The following NXN variants were observed in gnomAD, a reference collection of about 807,000 sequenced individuals.
The protein encoded by NXN is nucleoredoxin.
NXN carries 16 observed loss-of-function variants against 48.6 expected under a neutral mutation model. That is an observed-to-expected ratio of 0.33 (90% CI 0.22 to 0.50). The LOEUF is 0.50. Among genes scored for constraint, NXN ranks in the 20% least tolerant of loss-of-function variants. The probability of loss-of-function intolerance (pLI) is 0.98; values close to 1 mark genes in which losing one functional copy is unlikely to be tolerated. For missense variants in NXN, 492 were observed against 605.5 expected (o/e 0.81, Z 1.97); for synonymous variants, 281 against 269.6 (o/e 1.04, Z -0.41).
chr17:971,197 C>T (rs1362063404), intron 1 of NXN, among the ~76,000 whole-genome samples: 3 of 151,968 alleles, frequency 2.0e-5, no homozygotes, highest in South Asian at 2.1e-4. Context: ...CCGCCCACCT[C>T]GGCTTCCCAC....
chr17:864,726 G>A (rs908962057), intron 1 of NXN, among the ~76,000 whole-genome samples: 2 of 152,116 alleles, frequency 1.3e-5, no homozygotes, highest in African/African-American at 4.8e-5. Flanking sequence ...TCACTCTGAG[G>A]CTCCTCTAAT....
intron 1 of NXN, among the ~76,000 whole-genome samples, chr17:955,874 C>A (rs1476312919): frequency 6.6e-6 from 1 of 150,942 alleles, no homozygotes; most frequent in Non-Finnish European, 1.5e-5. Flanking sequence ...TGCACTCCAG[C>A]CTGGGCGACA....
chr17:823,569 C>T, intron 3 of NXN, 63 bp downstream of exon 3: 1 of 1,593,414 alleles, frequency 6.3e-7, no homozygotes, highest in Non-Finnish European at 8.6e-7. Flanking sequence ...CCAACCACAG[C>T]TGGGCCTGCT....
chr17:960,435 C>A (rs2069223441), intron 1 of NXN, among the ~76,000 whole-genome samples: 1 of 151,998 alleles, frequency 6.6e-6, no homozygotes, highest in Non-Finnish European at 1.5e-5. Context: ...CCTCAACCTC[C>A]CAGGCTCAAG....
intron 1 of NXN, among the ~76,000 whole-genome samples, chr17:838,947 TG>T (rs1913981485): frequency 6.6e-6 from 1 of 152,202 alleles, no homozygotes; most frequent in Non-Finnish European, 1.5e-5. Context: ...CGGTGGAGAA[TG>T]TGGTTCTGGA....
chr17:965,394 G>A (rs1247140408), intron 1 of NXN, among the ~76,000 whole-genome samples: 5 of 152,208 alleles, frequency 3.3e-5, no homozygotes, highest in Admixed American at 1.3e-4. Context: ...GAAGGGATCT[G>A]TTAGAAGCAA....
chr17:923,691 G>T (rs1259681623), intron 1 of NXN, among the ~76,000 whole-genome samples: 2 of 152,218 alleles, frequency 1.3e-5, no homozygotes, highest in African/African-American at 4.8e-5. Context: ...TTACGCTCTT[G>T]TAAGAAAACA....
chr17:968,803 G>A (rs754635269), intron 1 of NXN, among the ~76,000 whole-genome samples: 10 of 152,054 alleles, frequency 6.6e-5, no homozygotes, highest in Non-Finnish European at 1.0e-4. Context: ...CAGGCGTGGT[G>A]GCGGGCACCT....
chr17:855,279 A>G (rs1239112998), intron 1 of NXN, among the ~76,000 whole-genome samples: 3 of 152,198 alleles, frequency 2.0e-5, no homozygotes, highest in Non-Finnish European at 2.9e-5. Context: ...CGTTATCTCA[A>G]ATAAATACAT....
At chr17:957,422 A>AGCCT in intron 1 of NXN, among the ~76,000 whole-genome samples, 1 of 152,078 alleles carries the variant, frequency 6.6e-6, no homozygotes, top group South Asian at 2.1e-4. Flanking sequence ...TCATGAGGTC[A>AGCCT]GGAGTTCAAG....
At chr17:858,027 G>A (rs1281806625) in intron 1 of NXN, among the ~76,000 whole-genome samples, 4 of 149,230 alleles carry the variant, frequency 2.7e-5, no homozygotes, top group African/African-American at 7.5e-5. Context: ...CTGGAGTGCA[G>A]TGGCGCAATC....
chr17:815,141 G>A (rs888876637), intron 5 of NXN, among the ~76,000 whole-genome samples: 6 of 152,224 alleles, frequency 3.9e-5, no homozygotes, highest in African/African-American at 1.4e-4. Flanking sequence ...GAAATTCAAA[G>A]TATACAAAAG....
intron 1 of NXN, among the ~76,000 whole-genome samples, chr17:832,704 TG>T (rs1305030949): frequency 6.6e-6 from 1 of 152,122 alleles, no homozygotes; most frequent in Non-Finnish European, 1.5e-5. Flanking sequence ...CCTCTCTGGA[TG>T]GGTAAGAAAC....
intron 1 of NXN, among the ~76,000 whole-genome samples, chr17:838,927 A>G (rs550397853): frequency 1.2e-4 from 19 of 152,290 alleles, no homozygotes; most frequent in Admixed American, 3.3e-4. Flanking sequence ...GCCGTGTGGG[A>G]TAGATCAAAC....
rs1273462060 is a variant in NXN, at chr17:969,099, CTT to C, written c.360+10218_360+10219del. Among the ~76,000 whole-genome samples the C allele has an allele frequency of 2.6e-5, 4 of 152,174 alleles. No homozygotes were observed. The South Asian group carries it at 6.2e-4, about 24-fold the overall frequency. On this transcript the variant is annotated intron_variant, in intron 1 of 7. Coordinates refer to ENST00000336868, the MANE Select transcript of NXN (RefSeq NM_022463.5). Reference sequence around the variant, plus strand: ...AGGTAAAAAGGCTGAATTCCTCTCTCTTATAATCCAAATAACCATAAAATGTG... The same window carrying C: ...AGGTAAAAAGGCTGAATTCCTCTCTCATAATCCAAATAACCATAAAATGTG...
chr17:960,153 C>A (rs1044817899), intron 1 of NXN, among the ~76,000 whole-genome samples: 1 of 152,088 alleles, frequency 6.6e-6, no homozygotes, highest in African/African-American at 2.4e-5. Flanking sequence ...AGAAACCCAC[C>A]ACCCACGGAG....
rs1447587046 is a variant in NXN at position 841,469 on chromosome 17, C to T, written c.361-15391G>A. On this transcript the variant is annotated intron_variant, in intron 1 of 7. Coordinates refer to ENST00000336868, the MANE Select transcript of NXN (RefSeq NM_022463.5). ...CCCCCTGACCACGGCGCATCTCACA[C>T]GGGCGAGCAGGTCCCCCCTGACCAC... Among the ~76,000 whole-genome samples the T allele has an allele frequency of 4.7e-4, 61 of 129,990 alleles. 1 individual carries two copies. Among genetic ancestry groups the T allele is most frequent in the African/African-American group, 1.5e-3 (54 of 36,506 alleles). 85.3% of individuals were successfully genotyped at this position (129,990 alleles called of 152,430 possible).
At chr17:913,306 C>CA (rs1157300526) in intron 1 of NXN, among the ~76,000 whole-genome samples, 10 of 152,200 alleles carry the variant, frequency 6.6e-5, no homozygotes, top group African/African-American at 2.4e-4. Flanking sequence ...AGAACTCATC[C>CA]ACAGAGCACC....
chr17:959,928 A>T (rs1405572121), intron 1 of NXN, among the ~76,000 whole-genome samples: 3 of 152,112 alleles, frequency 2.0e-5, no homozygotes, highest in Non-Finnish European at 2.9e-5. Context: ...CCCTGTCTCT[A>T]CTAAAAATAC....
Sources: gnomAD v4.1 joint callset for allele counts (sites outside exome capture counted in the v4.1 genomes callset) on GRCh38, gnomAD v4.1.1 for gene constraint, MANE v1.5 for transcripts, NCBI Gene and HGNC (gene_info 2026-07-23, HGNC 2026-07-21) for gene names.